The following DSCAML1 variants were observed in gnomAD, a reference collection of about 807,000 sequenced individuals.
The protein encoded by DSCAML1 is cell adhesion molecule DSCAML1.
In DSCAML1, 38 loss-of-function variants were observed where a neutral mutation model predicts 200.5. The observed-to-expected ratio is 0.19, with a 90% CI of 0.15 to 0.25. DSCAML1 has a LOEUF of 0.25. DSCAML1 is among the 10% of genes least tolerant of loss of function. The pLI, the probability that DSCAML1 is intolerant of heterozygous loss-of-function variation, is 1.00. For missense variants in DSCAML1, 2,223 were observed against 2,858.8 expected (o/e 0.78, Z 5.07); for synonymous variants, 1,215 against 1,165.0 (o/e 1.04, Z -0.87).
chr11:117,797,014 G>GCCGC lies in DSCAML1; in HGVS notation c.46+16_46+19dup. On this transcript the variant is annotated intron_variant, in intron 1 of 32. Transcript: ENST00000651296. ...CTGGCCCCGCCGCCTCCGCCGCCCA[G>GCCGC]CCGCCCGCGCAGGTCTCACCTTTGT... 1 of 1,422,072 alleles carries GCCGC rather than the reference G, an allele frequency of 7.0e-7. No individual in the cohort carries two copies. The highest frequency in any genetic ancestry group is 9.3e-7 in the Non-Finnish European group (1 of 1,078,866). 88.1% of individuals were successfully genotyped at this position (1,422,072 alleles called of 1,614,324 possible). A position where few individuals can be genotyped will look rare whatever the true frequency, so the allele number is the denominator to read the frequency against.
At chr11:117,461,322 AG>A in intron 18 of DSCAML1, 127 bp downstream of exon 18, 1 of 1,359,884 alleles carries the variant, frequency 7.4e-7, no homozygotes, top group South Asian at 1.4e-5. Context: ...CCCCGTGTGG[AG>A]AAGAGGGGGC....
rs78798464 is a variant in DSCAML1 at position 117,703,497 on chromosome 11, C to T, written c.511+73294G>A. On this transcript the variant is annotated intron_variant, in intron 3 of 32. Coordinates refer to ENST00000651296, the MANE Select transcript of DSCAML1 (RefSeq NM_020693.4). ...ACACTGAAACCAACTGTGCTTCTGC[C>T]GTTGCTAGTTTCCTGGTCCCAGGAA... 1.9e-3 allele frequency among the ~76,000 whole-genome samples: 292 copies of T among 152,276 alleles called. 11 individuals are homozygous for T. In the East Asian group the frequency reaches 0.051, roughly 27 times the overall value.
chr11:117,771,513 G>C (rs973715176), intron 3 of DSCAML1, among the ~76,000 whole-genome samples: 3 of 152,180 alleles, frequency 2.0e-5, no homozygotes, highest in Non-Finnish European at 4.4e-5. Flanking sequence ...TCAGCACAAG[G>C]GTTGGTGGCA....
At chr11:117,719,732 T>C (rs1297390960) in intron 3 of DSCAML1, among the ~76,000 whole-genome samples, 1 of 152,234 alleles carries the variant, frequency 6.6e-6, no homozygotes, top group Non-Finnish European at 1.5e-5. Flanking sequence ...AGCAGAAGTC[T>C]GAACCTGAGT....
intron 3 of DSCAML1, among the ~76,000 whole-genome samples, chr11:117,616,330 A>G (rs11820158): frequency 1.1e-3 from 173 of 152,352 alleles, no homozygotes; most frequent in African/African-American, 3.8e-3. Context: ...TTAGGAGGGT[A>G]GCCATAGTGT....
At chr11:117,530,768 G>A (rs925788083) in intron 4 of DSCAML1, among the ~76,000 whole-genome samples, 4 of 152,140 alleles carry the variant, frequency 2.6e-5, no homozygotes, top group Non-Finnish European at 4.4e-5. Flanking sequence ...GCAGAGCTCT[G>A]AGCGGCAGAG....
intron 20 of DSCAML1, among the ~76,000 whole-genome samples, chr11:117,449,164 C>T (rs374516966): frequency 6.6e-6 from 1 of 152,136 alleles, no homozygotes; most frequent in African/African-American, 2.4e-5. Flanking sequence ...CAGCACTAAT[C>T]TATGCTATTG....
At chr11:117,790,085 C>G (rs980531753) in intron 1 of DSCAML1, among the ~76,000 whole-genome samples, 1 of 152,204 alleles carries the variant, frequency 6.6e-6, no homozygotes, top group Non-Finnish European at 1.5e-5. Context: ...TACCCCACGA[C>G]TGCGGGAGGG....
intron 16 of DSCAML1, among the ~76,000 whole-genome samples, chr11:117,468,560 G>A (rs7114223): frequency 0.28 from 43,021 of 151,994 alleles, 7,535 homozygotes; most frequent in East Asian, 0.55. Flanking sequence ...CAGCCAGGAC[G>A]CAGCCAAGAG....
chr11:117,728,539 AC>A (rs34731965), intron 3 of DSCAML1, among the ~76,000 whole-genome samples: 120,733 of 152,124 alleles, frequency 0.79, 51,236 homozygotes, highest in Non-Finnish European at 0.94. Context: ...TATATAAAAA[AC>A]CCTTAGGAAT....
intron 3 of DSCAML1, among the ~76,000 whole-genome samples, chr11:117,629,030 G>T (rs561145421): frequency 1.8e-4 from 28 of 152,126 alleles, no homozygotes; most frequent in Non-Finnish European, 4.0e-4. Context: ...GTCAGGATGG[G>T]CATCAGAGCC....
At chr11:117,555,899 T>C (rs1216558854) in intron 3 of DSCAML1, among the ~76,000 whole-genome samples, 3 of 147,148 alleles carry the variant, frequency 2.0e-5, no homozygotes, top group Admixed American at 6.9e-5. Flanking sequence ...TGGAGTGAGG[T>C]TGGCAGCAGG....
At chr11:117,590,415 C>T (rs933852249) in intron 3 of DSCAML1, among the ~76,000 whole-genome samples, 2 of 151,560 alleles carry the variant, frequency 1.3e-5, no homozygotes, top group African/African-American at 2.4e-5. Flanking sequence ...AATTGCCTGG[C>T]ACACCATGAG....
At chr11:117,528,762 T>C (rs1399635304) in intron 4 of DSCAML1, among the ~76,000 whole-genome samples, 3 of 152,196 alleles carry the variant, frequency 2.0e-5, no homozygotes, top group Non-Finnish European at 4.4e-5. Flanking sequence ...CACTGAGTTA[T>C]GGTGGGGACA....
chr11:117,615,470 A>G (rs895499305), intron 3 of DSCAML1, among the ~76,000 whole-genome samples: 5 of 152,190 alleles, frequency 3.3e-5, no homozygotes, highest in Non-Finnish European at 7.3e-5. Flanking sequence ...ATTTCATGGA[A>G]GCAGACATGA....
In DSCAML1 at chr11:117,504,171, C is replaced by T; in HGVS notation, c.2183-150G>A. ...TCCCCAAAGTGCTGAGGCCACATGG[C>T]TCCTGGTGGGCAACAGGAAAGACCC... On this transcript the variant is annotated intron_variant, in intron 10 of 32. Transcript: ENST00000651296. This position sits in a 1 kb window ranked among gnomAD's most constrained non-coding sequence, Gnocchi z 5.0. 1.1e-6 allele frequency: 1 copy of T among 920,346 alleles called. No individual in the cohort carries two copies. Among genetic ancestry groups the T allele is most frequent in the Non-Finnish European group, 1.6e-6 (1 of 625,154 alleles). The allele number at this position is 920,346 out of a possible 1,614,324, so 57.0% of individuals were successfully genotyped here.
intron 1 of DSCAML1, among the ~76,000 whole-genome samples, chr11:117,791,412 C>T (rs1223442767): frequency 2.0e-5 from 3 of 152,232 alleles, no homozygotes; most frequent in African/African-American, 7.2e-5. Flanking sequence ...AGTGCTTACG[C>T]AGGCTTTATG....
intron 3 of DSCAML1, among the ~76,000 whole-genome samples, chr11:117,606,290 G>A (rs1370525390): frequency 6.6e-6 from 1 of 152,158 alleles, no homozygotes; most frequent in African/African-American, 2.4e-5. Context: ...TTCCTTCCAT[G>A]GCTTCCATGG....
At chr11:117,775,911 T>C (rs1214450015) in intron 3 of DSCAML1, among the ~76,000 whole-genome samples, 1 of 152,142 alleles carries the variant, frequency 6.6e-6, no homozygotes, top group Non-Finnish European at 1.5e-5. Context: ...ACCTTAATGC[T>C]GAAAGGGCAC....
Sources: gnomAD v4.1 joint callset for allele counts (sites outside exome capture counted in the v4.1 genomes callset) on GRCh38, gnomAD v4.1.1 for gene constraint, Gnocchi (gnomAD v3.1) non-coding constraint, MANE v1.5 for transcripts, NCBI Gene and HGNC (gene_info 2026-07-23, HGNC 2026-07-21) for gene names.